The following STAMBP variants were observed in gnomAD, a reference collection of about 807,000 sequenced individuals.
STAMBP encodes the protein STAM binding protein.
A neutral mutation model predicts 50.7 loss-of-function variants in STAMBP; 31 were observed. That is an observed-to-expected ratio of 0.61 (90% confidence interval 0.46 to 0.83). STAMBP has a LOEUF of 0.83. STAMBP is among the 40% of genes least tolerant of loss of function. The pLI is 0.00. For synonymous variants in STAMBP, 211 were observed against 192.4 expected (o/e 1.10, Z -0.80); for missense variants, 472 against 518.9 (o/e 0.91, Z 0.88).
At chr2:73,853,736 C>T (rs1370712070) in intron 7 of STAMBP, among the ~76,000 whole-genome samples, 2 of 152,112 alleles carry the variant, frequency 1.3e-5, no homozygotes, top group African/African-American at 4.8e-5. Flanking sequence ...AAAAAAGAAA[C>T]TAAATGTACA....
chr2:73,842,511 C>G (rs1675527908), intron 2 of STAMBP, among the ~76,000 whole-genome samples: 2 of 152,134 alleles, frequency 1.3e-5, no homozygotes, highest in Admixed American at 1.3e-4. Flanking sequence ...CATTTACTTA[C>G]TTGTTTTTAT....
intron 2 of STAMBP, among the ~76,000 whole-genome samples, chr2:73,837,010 T>C (rs543854324): frequency 1.3e-4 from 20 of 152,362 alleles, no homozygotes; most frequent in Non-Finnish European, 2.5e-4. Context: ...CAGAGATTCA[T>C]TGATAGAATT....
downstream of STAMBP, among the ~76,000 whole-genome samples, chr2:73,870,517 C>T (rs1410916866): frequency 6.6e-6 from 1 of 152,190 alleles, no homozygotes; most frequent in South Asian, 2.1e-4. Flanking sequence ...AAGAAGAACT[C>T]CCACCGTGGC....
chr2:73,841,322 G>C (rs990312688), intron 2 of STAMBP, among the ~76,000 whole-genome samples: 7 of 152,112 alleles, frequency 4.6e-5, no homozygotes, highest in African/African-American at 1.2e-4. Flanking sequence ...TGTATATGAT[G>C]CTGGTGTTAG....
chr2:73,847,883 G>A, intron 5 of STAMBP, 130 bp downstream of exon 5: 1 of 1,218,590 alleles, frequency 8.2e-7, no homozygotes. Flanking sequence ...CATCTGATAA[G>A]TATTGCTGTA....
chr2:73,845,311 T>C (rs1675929087), intron 4 of STAMBP, 49 bp downstream of exon 4: 1 of 1,269,138 alleles, frequency 7.9e-7, no homozygotes, highest in East Asian at 2.3e-5. Context: ...TTTTAGGCTG[T>C]GCCCTGGGAT....
intron 2 of STAMBP, among the ~76,000 whole-genome samples, chr2:73,836,679 C>T (rs1365021709): frequency 2.6e-5 from 4 of 152,232 alleles, no homozygotes; most frequent in African/African-American, 7.2e-5. Context: ...CAGTGGCCGC[C>T]GGCTGGGGAA....
chr2:73,856,763 A>G (rs950056504), intron 7 of STAMBP, among the ~76,000 whole-genome samples: 4 of 150,966 alleles, frequency 2.6e-5, no homozygotes, highest in African/African-American at 7.3e-5. Context: ...TCAACAAACA[A>G]CCCCCTCTTC....
chr2:73,837,415 C>G (rs1013842114), intron 2 of STAMBP, among the ~76,000 whole-genome samples: 1 of 146,626 alleles, frequency 6.8e-6, no homozygotes, highest in Non-Finnish European at 1.5e-5. Context: ...GAAACCCCAT[C>G]TCTACTAAAA....
rs977288555 is a variant in STAMBP, at chr2:73,841,549, GACTTTT to G, written c.204-3263_204-3258del. Among the ~76,000 whole-genome samples, 299 of 152,282 alleles carry G rather than the reference GACTTTT, an allele frequency of 2.0e-3. 5 individuals carry two copies. The highest frequency in any genetic ancestry group is 3.1e-4 in the Non-Finnish European group (21 of 68,018). On this transcript the variant is annotated intron_variant, in intron 2 of 9. Transcript: ENST00000394070. ...CCATGTCCAACCCTTTGAATGCAAG[GACTTTT>G]TTGCTTATCTATGGTAGCAGATATC...
intron 2 of STAMBP, among the ~76,000 whole-genome samples, chr2:73,831,767 G>T (rs4852983): frequency 0.44 from 67,010 of 151,826 alleles, 17,295 homozygotes; most frequent in African/African-American, 0.73. Flanking sequence ...ATTTGGTTCT[G>T]AGTAGCTCAT....
At chr2:73,831,189 A>G in intron 2 of STAMBP, 130 bp downstream of exon 2, 1 of 712,874 alleles carries the variant, frequency 1.4e-6, no homozygotes, top group Non-Finnish European at 2.4e-6. Context: ...ACTCCTACAT[A>G]TTGGCTGTCC....
intron 6 of STAMBP, among the ~76,000 whole-genome samples, chr2:73,849,826 C>T (rs1264317769): frequency 6.6e-6 from 1 of 152,094 alleles, no homozygotes; most frequent in Non-Finnish European, 1.5e-5. Context: ...ACGAAAAGTG[C>T]CCAGTCACTT....
chr2:73,847,588 G>A lies in STAMBP; in HGVS notation c.577G>A (p.Gly193Ser). The change falls in exon 5 of 10, where the codon GGT (glycine) becomes AGT (serine). Residue 193 changes from glycine to serine, a missense_variant. Physicochemically the swap from Gly to Ser is moderately conservative, Grantham distance 56. Coordinates refer to ENST00000394070, the MANE Select transcript of STAMBP (RefSeq NM_213622.4). ...GTTTGGGAAGGTAGACCCTGGCCTA[G>A]GTGGCCCGCTAGTGCCTGACTTGGA... ...QEFGKVDPGL[G>S]GPLVPDLEKP... 6.2e-7 allele frequency: 1 copy of A among 1,614,186 alleles called. No individual in the cohort carries two copies. Among genetic ancestry groups the A allele is most frequent in the South Asian group, 1.1e-5 (1 of 91,084 alleles).
intron 5 of STAMBP, among the ~76,000 whole-genome samples, chr2:73,848,564 T>A (rs1036593190): frequency 6.6e-6 from 1 of 152,216 alleles, no homozygotes; most frequent in African/African-American, 2.4e-5. Flanking sequence ...CTGGATAATT[T>A]ATAATGAACA....
rs1678147566 is a variant in STAMBP at position 73,860,076 on chromosome 2, C to T, written c.1143C>T (p.Asp381=). Residue 381 remains aspartate, a synonymous_variant, in exon 9 of 10, where the codon GAC becomes GAT. Transcript: ENST00000394070. The part of the protein sequence containing the change: ...FQETGFFKLT[D]HGLEEISSCR... Reference sequence around the variant, plus strand: ...GAACTGGATTCTTTAAACTAACTGACCATGGACTAGAGGAGATTTCTTCCT... The same window carrying T: ...GAACTGGATTCTTTAAACTAACTGATCATGGACTAGAGGAGATTTCTTCCT... The T allele has an allele frequency of 6.2e-7, 1 of 1,611,534 alleles. No homozygotes were observed. The highest frequency in any genetic ancestry group is 1.1e-5 in the South Asian group (1 of 91,036).
chr2:73,832,108 T>TATATATATATATATATAAAC (rs1006072205), intron 2 of STAMBP, among the ~76,000 whole-genome samples: 1 of 122,902 alleles, frequency 8.1e-6, no homozygotes, highest in Non-Finnish European at 1.6e-5. Flanking sequence ...TATATATATA[T>TATATATATATATATATAAAC]ACACATATAT....
chr2:73,860,025 T>C, intron 8 of STAMBP, 27 bp from the exon 9 acceptor site: 1 of 1,578,440 alleles, frequency 6.3e-7, no homozygotes, highest in Non-Finnish European at 8.6e-7. Context: ...TTTGCTTGAC[T>C]CTTAGCCTGC....
intron 10 of STAMBP, among the ~76,000 whole-genome samples, chr2:73,872,849 A>G (rs1041282739): frequency 3.3e-5 from 5 of 152,254 alleles, no homozygotes; most frequent in Non-Finnish European, 5.9e-5. Context: ...GGATCTAGAA[A>G]TCAAGTATGC....
Sources: allele counts gnomAD v4.1 joint callset (sites outside exome capture counted in the v4.1 genomes callset), GRCh38; gene constraint gnomAD v4.1.1; transcripts MANE v1.5; gene names NCBI Gene and HGNC (gene_info 2026-07-23, HGNC 2026-07-21).